PCNT: variants seen among roughly 807,000 people sequenced by gnomAD.
PCNT encodes the protein pericentrin.
PCNT carries 319 observed loss-of-function variants against 380.4 expected under a neutral mutation model. That is an observed-to-expected ratio of 0.84 (90% confidence interval 0.77 to 0.92). PCNT has a LOEUF of 0.92. Among genes scored for constraint, PCNT ranks in the 40% least tolerant of loss-of-function variants. PCNT has a pLI of 0.00. For missense variants in PCNT, 4,400 were observed against 4,255.3 expected (o/e 1.03, Z -0.95); for synonymous variants, 1,845 against 1,735.2 (o/e 1.06, Z -1.57).
At chr21:46,331,456 T>C (rs1052088271) in intron 2 of PCNT, among the ~76,000 whole-genome samples, 1 of 152,212 alleles carries the variant, frequency 6.6e-6, no homozygotes, top group Non-Finnish European at 1.5e-5. Context: ...ATTTGTTAAG[T>C]GCATGATGGA....
chr21:46,408,283 T>G (rs1203172627), intron 27 of PCNT, among the ~76,000 whole-genome samples: 7 of 152,222 alleles, frequency 4.6e-5, no homozygotes, highest in Non-Finnish European at 1.0e-4. Flanking sequence ...GACCACAGTT[T>G]GTTGATCCAT....
chr21:46,401,936 C>T (rs1466703933), intron 26 of PCNT, among the ~76,000 whole-genome samples: 3 of 152,174 alleles, frequency 2.0e-5, no homozygotes, highest in South Asian at 2.1e-4. Context: ...CTGCAACCTC[C>T]GCCTCCTGGG....
chr21:46,395,110 A>G (rs979852509), intron 21 of PCNT, among the ~76,000 whole-genome samples: 11 of 152,248 alleles, frequency 7.2e-5, no homozygotes, highest in Non-Finnish European at 7.3e-5. Flanking sequence ...CCGCAGCAGC[A>G]TGTTTACAGC....
intron 36 of PCNT, 34 bp from the exon 37 acceptor site, chr21:46,430,473 C>A: frequency 1.3e-6 from 2 of 1,548,942 alleles, no homozygotes; most frequent in Non-Finnish European, 1.7e-6. Context: ...CTCTGGCCCA[C>A]GTGGTCAGAT....
At chr21:46,393,183 G>T (rs1461520803) in intron 21 of PCNT, among the ~76,000 whole-genome samples, 2 of 152,174 alleles carry the variant, frequency 1.3e-5, no homozygotes, top group African/African-American at 4.8e-5. Context: ...GAGTGCGGGG[G>T]AACCTCCAGG....
chr21:46,354,397 T>C (rs1296950455), intron 11 of PCNT, among the ~76,000 whole-genome samples: 1 of 152,238 alleles, frequency 6.6e-6, no homozygotes, highest in Non-Finnish European at 1.5e-5. Flanking sequence ...GTGTCTTTGC[T>C]TTGAGTCCAC....
intron 1 of PCNT, among the ~76,000 whole-genome samples, chr21:46,325,538 G>C (rs1457793461): frequency 6.6e-6 from 1 of 152,244 alleles, no homozygotes; most frequent in African/African-American, 2.4e-5. Context: ...ATTTCCTTGA[G>C]AGACCATTTT....
intron 10 of PCNT, 62 bp from the exon 11 acceptor site, chr21:46,353,925 A>G: frequency 7.1e-7 from 1 of 1,408,392 alleles, no homozygotes; most frequent in Admixed American, 1.8e-5. Flanking sequence ...CTGGGGAGGG[A>G]ATGGCGCACA....
chr21:46,437,047 T>A lies in PCNT; in HGVS notation c.9065T>A (p.Leu3022Gln). ...TCTTTACTGCACACGTTGGAGGAGC[T>A]GAAGTCTGACTTGAGCAGGCCCACC... The part of the protein sequence containing the change: ...VMSLLHTLEE[L>Q]KSDLSRPTSS... The change falls in exon 40 of 47, where the codon CTG (leucine) becomes CAG (glutamine). Residue 3022 changes from leucine (L) to glutamine (Q), a missense_variant. Transcript: ENST00000359568. The A allele has an allele frequency of 6.2e-7, 1 of 1,614,156 alleles. No individual in the cohort carries two copies. The highest frequency in any genetic ancestry group is 8.5e-7 in the Non-Finnish European group (1 of 1,179,988).
rs370021414 is a variant in PCNT, at chr21:46,428,441, G to A, written c.7541G>A (p.Arg2514Gln). The change falls in exon 35 of 47, where the codon CGG (arginine) becomes CAG (glutamine). Residue 2514 changes from arginine (R) to glutamine (Q), a missense_variant. Coordinates refer to ENST00000359568, the MANE Select transcript of PCNT (RefSeq NM_006031.6). ...CTGGAGCATCTTCGCTTGCCGGACC[G>A]GAGCAGCCTGCTGTCCGAGATCCAG... ...KSLEHLRLPD[R>Q]SSLLSEIQAL... is the part of the protein sequence containing the mutation. 97 of 1,612,534 alleles carry A rather than the reference G, an allele frequency of 6.0e-5. 1 individual carries two copies. The African/African-American group carries it at 7.9e-4, about 13-fold the overall frequency.
chr21:46,437,170 C>A, intron 40 of PCNT, 89 bp downstream of exon 40: 2 of 825,378 alleles, frequency 2.4e-6, no homozygotes, highest in East Asian at 2.6e-5. Flanking sequence ...TCACGCTTCC[C>A]CATTGTTCTT....
intron 34 of PCNT, 138 bp downstream of exon 34, chr21:46,427,933 C>A: frequency 1.1e-6 from 1 of 934,350 alleles, no homozygotes; most frequent in Admixed American, 2.0e-5. Context: ...TGTCACTTAC[C>A]CAGGTGTTGA....
At chr21:46,352,533 C>CT (rs1404179640) in intron 9 of PCNT, among the ~76,000 whole-genome samples, 1 of 152,192 alleles carries the variant, frequency 6.6e-6, no homozygotes, top group African/African-American at 2.4e-5. Context: ...CCGTTGCTGG[C>CT]TGTCAGCTGC....
At chr21:46,350,736 G>T (rs778237017) in intron 8 of PCNT, among the ~76,000 whole-genome samples, 1 of 152,116 alleles carries the variant, frequency 6.6e-6, no homozygotes, top group Non-Finnish European at 1.5e-5. Context: ...TCCAGGCCGG[G>T]GCTCACTCCA....
At chr21:46,442,125 C>A (rs1465967222) in intron 43 of PCNT, among the ~76,000 whole-genome samples, 1 of 152,144 alleles carries the variant, frequency 6.6e-6, no homozygotes, top group African/African-American at 2.4e-5. Context: ...ATGGGAGGGT[C>A]CTGCACACCA....
intron 15 of PCNT, among the ~76,000 whole-genome samples, chr21:46,380,683 C>T (rs564039795): frequency 6.6e-6 from 1 of 152,140 alleles, no homozygotes; most frequent in Non-Finnish European, 1.5e-5. Flanking sequence ...CTTATGGACA[C>T]TCAGCCTGTG....
intron 32 of PCNT, 82 bp downstream of exon 32, chr21:46,422,206 G>C: frequency 6.4e-7 from 1 of 1,558,096 alleles, no homozygotes; most frequent in Non-Finnish European, 8.8e-7. Context: ...TGCCTTGCCG[G>C]GGAGAGCCTT....
Position 46,349,299 on chromosome 21 carries a change from A to G in PCNT, c.1207+113A>G. On this transcript the variant is annotated intron_variant, in intron 7 of 46. Transcript: ENST00000359568. ...ATTGCGCACGTTTCCTACCTTCTAA[A>G]TGCTGGATGGCCCCATGCACGTGTG... 3.2e-6 allele frequency: 3 copies of G among 929,554 alleles called. No individual in the cohort carries two copies. The South Asian group carries it at 4.0e-5, about 12-fold the overall frequency. 57.6% of individuals were successfully genotyped at this position (929,554 alleles called of 1,614,324 possible). A position where few individuals can be genotyped will look rare whatever the true frequency, so the allele number is the denominator to read the frequency against.
chr21:46,356,780 G>A (rs1324121523), intron 12 of PCNT, among the ~76,000 whole-genome samples, 194 bp from the exon 13 acceptor site: 2 of 152,374 alleles, frequency 1.3e-5, no homozygotes, highest in African/African-American at 4.8e-5. Flanking sequence ...GGGGCAGCAT[G>A]GAGGTGTCCC....
Sources: gnomAD v4.1 joint callset for allele counts (sites outside exome capture counted in the v4.1 genomes callset) on GRCh38, gnomAD v4.1.1 for gene constraint, MANE v1.5 for transcripts, NCBI Gene and HGNC (gene_info 2026-07-23, HGNC 2026-07-21) for gene names.